Variants in C6orf163 observed in about 807,000 individuals in gnomAD.
The protein encoded by C6orf163 is uncharacterized protein C6orf163.
A neutral mutation model predicts 28.4 loss-of-function variants in C6orf163; 22 were observed. The ratio of observed to expected loss-of-function variants is 0.78; its 90% CI spans 0.55 to 1.11. The LOEUF is 1.11. Among genes scored for constraint, C6orf163 ranks in the 50% least tolerant of loss-of-function variants. The pLI is 0.00. For missense variants in C6orf163, 342 were observed against 389.1 expected (o/e 0.88, Z 1.02); for synonymous variants, 110 against 123.6 (o/e 0.89, Z 0.73).
intron 4 of C6orf163, among the ~76,000 whole-genome samples, chr6:87,358,813 A>G (rs1777543578): frequency 6.6e-6 from 1 of 152,066 alleles, no homozygotes; most frequent in African/African-American, 2.4e-5. Context: ...CATCCTACAT[A>G]TCTTCAGGCA....
chr6:87,355,640 A>G (rs1777489171), intron 3 of C6orf163, among the ~76,000 whole-genome samples: 1 of 152,166 alleles, frequency 6.6e-6, no homozygotes, highest in Admixed American at 6.5e-5. Flanking sequence ...ATAATGTTAT[A>G]TTTCTACATA....
intron 4 of C6orf163, among the ~76,000 whole-genome samples, chr6:87,362,263 C>T (rs60385156): frequency 0.015 from 2,311 of 152,252 alleles, 54 homozygotes; most frequent in African/African-American, 0.051. Context: ...GATCACTTAA[C>T]GTTAGGAGTT....
intron 4 of C6orf163, among the ~76,000 whole-genome samples, chr6:87,359,862 C>T (rs1379389314): frequency 6.6e-6 from 1 of 152,222 alleles, no homozygotes; most frequent in East Asian, 1.9e-4. Context: ...TGTACAGCCT[C>T]ATAAAGATAG....
chr6:87,363,663 A>G (rs969022272), intron 4 of C6orf163, among the ~76,000 whole-genome samples: 1 of 151,848 alleles, frequency 6.6e-6, no homozygotes, highest in Non-Finnish European at 1.5e-5. Flanking sequence ...ATGTCCCTAC[A>G]AAGGACATGA....
chr6:87,349,492 A>G (rs571575483), intron 2 of C6orf163, among the ~76,000 whole-genome samples: 4 of 152,322 alleles, frequency 2.6e-5, no homozygotes, highest in Non-Finnish European at 4.4e-5. Flanking sequence ...AGTGGGATCC[A>G]AGGCATCAAA....
chr6:87,351,412 T>A (rs1259695681), intron 3 of C6orf163, among the ~76,000 whole-genome samples: 1 of 152,198 alleles, frequency 6.6e-6, no homozygotes, highest in Admixed American at 6.5e-5. Context: ...ATTAGATCTG[T>A]ACCGGGTGAG....
At chr6:87,352,045 A>G (rs1226817415) in intron 3 of C6orf163, among the ~76,000 whole-genome samples, 1 of 152,232 alleles carries the variant, frequency 6.6e-6, no homozygotes, top group Non-Finnish European at 1.5e-5. Flanking sequence ...TGAGGTACTT[A>G]GTGCATCAGT....
intron 4 of C6orf163, among the ~76,000 whole-genome samples, chr6:87,360,543 C>G (rs10944309): frequency 0.26 from 16,801 of 64,640 alleles, 972 homozygotes; most frequent in Non-Finnish European, 0.3. Flanking sequence ...ATTGCAGGTA[C>G]TCACTCACCA....
chr6:87,350,617 A>G, intron 3 of C6orf163, 116 bp downstream of exon 3: 1 of 633,260 alleles, frequency 1.6e-6, no homozygotes, highest in Non-Finnish European at 2.7e-6. Context: ...TTTCATGGCC[A>G]TTAGCTGGGA....
At chr6:87,362,298 GA>G (rs1777591709) in intron 4 of C6orf163, among the ~76,000 whole-genome samples, 1 of 152,130 alleles carries the variant, frequency 6.6e-6, no homozygotes, top group Non-Finnish European at 1.5e-5. Context: ...CCAACATAGT[GA>G]AACCCTGCCT....
chr6:87,360,270 C>G (rs1424867594), intron 4 of C6orf163, among the ~76,000 whole-genome samples: 2 of 122,792 alleles, frequency 1.6e-5, no homozygotes, highest in Non-Finnish European at 3.8e-5. Context: ...TCTAGGCCCT[C>G]TTTCGATAAA....
At chr6:87,348,242 C>G (rs938108964) in intron 1 of C6orf163, 2 of 983,894 alleles carry the variant, frequency 2.0e-6, no homozygotes, top group African/African-American at 3.5e-5. Context: ...ATTACCTTGT[C>G]TGGGTAGAGA....
At chr6:87,345,847 G>T (rs1562228027) in intron 1 of C6orf163, among the ~76,000 whole-genome samples, 2 of 147,334 alleles carry the variant, frequency 1.4e-5, no homozygotes, top group South Asian at 2.2e-4. Context: ...AACCCAGGAG[G>T]TGGAGGTTGC....
chr6:87,356,439 G>A lies in C6orf163; in HGVS notation c.490G>A (p.Ala164Thr). The A allele has an allele frequency of 1.9e-6, 3 of 1,551,792 alleles. No homozygotes were observed. Among genetic ancestry groups the A allele is most frequent in the Non-Finnish European group, 2.6e-6 (3 of 1,147,006 alleles). The change falls in exon 4 of 5, where the codon GCT becomes ACT. Residue 164 changes from alanine (A) to threonine (T), a missense_variant. Transcript: ENST00000388923. ...MMECHREKVE[A>T]VEKARAEERH... Reference sequence around the variant, plus strand: ...GGAATGCCACAGAGAGAAGGTCGAAGCTGTGGAGAAAGCCAGGGCTGAAGA... The same window carrying A: ...GGAATGCCACAGAGAGAAGGTCGAAACTGTGGAGAAAGCCAGGGCTGAAGA...
intron 1 of C6orf163, chr6:87,347,797 G>A (rs570912501): frequency 6.9e-5 from 68 of 985,368 alleles, no homozygotes; most frequent in East Asian, 1.1e-4. Flanking sequence ...GACTTACTCC[G>A]GCAGCTGGGA....
chr6:87,345,440 C>T (rs73755403), intron 1 of C6orf163, among the ~76,000 whole-genome samples, 193 bp downstream of exon 1: 2,401 of 152,272 alleles, frequency 0.016, 59 homozygotes, highest in African/African-American at 0.053. Flanking sequence ...TATTTAGCCT[C>T]TCAATCTGTT....
intron 1 of C6orf163, chr6:87,347,652 C>G (rs1777347801): frequency 2.0e-6 from 2 of 984,974 alleles, no homozygotes; most frequent in Non-Finnish European, 2.4e-6. Context: ...AAACATAACT[C>G]AGAATAGACT....
chr6:87,345,018 C>A lies in C6orf163; in HGVS notation c.-82C>A. The A allele has an allele frequency of 8.4e-7, 1 of 1,184,104 alleles. No homozygotes were observed. Among genetic ancestry groups the A allele is most frequent in the Non-Finnish European group, 1.2e-6 (1 of 863,826 alleles). 73.3% of individuals were successfully genotyped at this position (1,184,104 alleles called of 1,614,324 possible). ...CTGAACCTCTTCCAGCTTTCTTAAA[C>A]TTTCAGCTTTTCTTGAAACGACTTT... On this transcript the variant is annotated 5_prime_UTR_variant, in exon 1 of 5. Coordinates refer to ENST00000388923, the MANE Select transcript of C6orf163 (RefSeq NM_001010868.3).
rs1462806270 is a variant in C6orf163 at position 87,365,380 on chromosome 6, A to G, written c.974A>G (p.Lys325Arg). The G allele has an allele frequency of 4.6e-6, 7 of 1,531,670 alleles. No homozygotes were observed. In the South Asian group the frequency reaches 7.4e-5, roughly 16 times the overall value. The allele number at this position is 1,531,670 out of a possible 1,614,324, so 94.9% of individuals were successfully genotyped here. The change falls in exon 5 of 5, where the codon AAA becomes AGA. Residue 325 changes from lysine to arginine, a missense_variant. Transcript: ENST00000388923. ...TCTAATCTTGTTATTAAGGAGAACA[A>G]AACAACTCTTGATTAGAAGTCTTCA... The part of the protein sequence containing the change: ...TPSNLVIKEN[K>R]TTLD
Sources: gnomAD v4.1 joint callset for allele counts (sites outside exome capture counted in the v4.1 genomes callset) on GRCh38, gnomAD v4.1.1 for gene constraint, MANE v1.5 for transcripts, NCBI Gene and HGNC (gene_info 2026-07-23, HGNC 2026-07-21) for gene names.